The following ATP13A3 variants were observed in gnomAD, a reference collection of about 807,000 sequenced individuals.
The protein encoded by ATP13A3 is polyamine-transporting ATPase 13A3.
Under a neutral mutation model 158.1 loss-of-function variants are expected in ATP13A3, and 59 were observed. The observed-to-expected ratio is 0.37, with a 90% confidence interval of 0.30 to 0.46. The LOEUF (loss-of-function observed/expected upper bound fraction) is 0.46, where lower values mean the gene tolerates loss of function less well. Among genes scored for constraint, ATP13A3 ranks in the 20% least tolerant of loss-of-function variants. The probability of loss-of-function intolerance (pLI) is 1.00; values close to 1 mark genes in which losing one functional copy is unlikely to be tolerated. For synonymous variants in ATP13A3, 491 were observed against 504.3 expected, an observed-to-expected ratio of 0.97 and a Z score of 0.35; for missense variants, 1,166 against 1,525.2, an observed-to-expected ratio of 0.76 and a Z score of 3.92.
Position 194,459,968 on chromosome 3 carries a change from C to A in ATP13A3, c.229G>T (p.Glu77Ter). 6.2e-7 allele frequency: 1 copy of A among 1,611,684 alleles called. No individual in the cohort carries two copies. The highest frequency in any genetic ancestry group is 8.5e-7 in the Non-Finnish European group (1 of 1,178,578). ...CEVVLLRTTDEFKMWFCAKIR... is the reference protein window; with the variant it reads ...CEVVLLRTTD ...TTTGCACAAAACCACATTTTGAATT[C>A]ATCCTTAAAGAGAGAAAGGGATAAC... Residue 77 changes from glutamate (E) to a stop codon, truncating the protein, a stop_gained, in exon 5 of 34, where the codon GAA becomes TAA. Transcript: ENST00000645319. LOFTEE classifies it high-confidence loss of function.
At chr3:194,429,032 G>A (rs964830362) in intron 27 of ATP13A3, 115 bp from the exon 28 acceptor site, 8 of 569,638 alleles carry the variant, frequency 1.4e-5, no homozygotes, top group Admixed American at 3.6e-5. Context: ...AATGACACTC[G>A]GACCTGCTTA....
chr3:194,435,988 C>T (rs181927826), intron 20 of ATP13A3, among the ~76,000 whole-genome samples: 1 of 152,274 alleles, frequency 6.6e-6, no homozygotes, highest in Admixed American at 6.5e-5. Context: ...TGTCTTATCC[C>T]CTAGCACCCT....
In ATP13A3 at chr3:194,448,370, A is replaced by G. The variant is rs1718552709; in HGVS notation, c.1150+87T>C. The G allele has an allele frequency of 6.7e-7, 1 of 1,488,256 alleles. No individual in the cohort carries two copies. 92.2% of individuals were successfully genotyped at this position (1,488,256 alleles called of 1,614,324 possible). A position where few individuals can be genotyped will look rare whatever the true frequency, so the allele number is the denominator to read the frequency against. ...TGGGATTACAGGCGTTAGCCACAGC[A>G]CCCAGCCCAGAATCTCTTTTTAAAC... On this transcript the variant is annotated intron_variant, in intron 12 of 33. Coordinates refer to ENST00000645319, the MANE Select transcript of ATP13A3 (RefSeq NM_001367549.1). The surrounding 1 kb of genome is among the most constrained non-coding windows in gnomAD (Gnocchi z 4.0).
At chr3:194,485,340 C>T (rs2109080921) in intron 2 of ATP13A3, among the ~76,000 whole-genome samples, 2 of 152,264 alleles carry the variant, frequency 1.3e-5, no homozygotes, top group Middle Eastern at 6.8e-3. Flanking sequence ...TGATTTTTGG[C>T]AACTGTAGTC....
chr3:194,455,998 T>C (rs1201257709), intron 7 of ATP13A3, 36 bp from the exon 8 acceptor site: 4 of 1,280,476 alleles, frequency 3.1e-6, no homozygotes, highest in Non-Finnish European at 4.4e-6. Flanking sequence ...TATTACATTA[T>C]ATCATAATAG....
chr3:194,477,554 A>G (rs1020521510), intron 2 of ATP13A3, among the ~76,000 whole-genome samples: 8 of 152,136 alleles, frequency 5.3e-5, no homozygotes, highest in African/African-American at 1.9e-4. Context: ...CCACAGCACT[A>G]TGTTCTTCAG....
intron 5 of ATP13A3, 75 bp from the exon 6 acceptor site, chr3:194,459,616 C>T: frequency 7.9e-7 from 1 of 1,265,134 alleles, no homozygotes; most frequent in Non-Finnish European, 1.1e-6. Context: ...CTTCTATTAA[C>T]AGCTATATAT....
In ATP13A3 at chr3:194,438,885, C is replaced by A; in HGVS notation, c.1798G>T (p.Glu600Ter). The A allele has an allele frequency of 6.2e-7, 1 of 1,606,538 alleles. No individual in the cohort carries two copies. The highest frequency in any genetic ancestry group is 1.1e-5 in the South Asian group (1 of 90,340). ...VVRPPKQLLP[E>*]STPAGNQEME... is the part of the protein sequence containing the mutation. ...TCTTGGTTTCCTGCAGGGGTAGATT[C>A]AGGAAGCAGTTGTTTGGGAGGACGA... is the stretch of plus-strand genomic sequence containing the variant. Residue 600 changes from glutamate (E) to a stop codon, truncating the protein, a stop_gained, in exon 17 of 34, where the codon GAA (glutamate) becomes TAA (stop). Transcript: ENST00000645319. LOFTEE classifies it high-confidence loss of function.
intron 2 of ATP13A3, among the ~76,000 whole-genome samples, chr3:194,473,414 T>C (rs1328345083): frequency 1.3e-5 from 2 of 151,804 alleles, no homozygotes; most frequent in African/African-American, 4.8e-5. Context: ...CAAATGAACC[T>C]ATTACAGAAC....
At chr3:194,408,931 G>A (rs1176839330) in intron 33 of ATP13A3, among the ~76,000 whole-genome samples, 1 of 152,194 alleles carries the variant, frequency 6.6e-6, no homozygotes, top group Non-Finnish European at 1.5e-5. Flanking sequence ...CAAGTACTGT[G>A]TAACACAAAG....
chr3:194,480,148 C>T lies in ATP13A3; in HGVS notation c.-47+5646G>A, dbSNP rs536544160. Among the ~76,000 whole-genome samples the T allele has an allele frequency of 3.9e-4, 60 of 152,288 alleles. No individual in the cohort carries two copies. The Middle Eastern group carries it at 0.01, about 26-fold the overall frequency. On this transcript the variant is annotated intron_variant, in intron 2 of 33. Coordinates refer to ENST00000645319, the MANE Select transcript of ATP13A3 (RefSeq NM_001367549.1). ...TAATAAGTTACCCTTCACTCAGACTCTTATCCTTACAATTCTCTAAGGTAC... is the reference window on the plus strand; with the variant it reads ...TAATAAGTTACCCTTCACTCAGACTTTTATCCTTACAATTCTCTAAGGTAC...
At chr3:194,445,943 T>G (rs1045986006) in intron 14 of ATP13A3, among the ~76,000 whole-genome samples, 1 of 152,156 alleles carries the variant, frequency 6.6e-6, no homozygotes, top group African/African-American at 2.4e-5. Context: ...CTTAAACATA[T>G]TCAATAAAAT....
chr3:194,459,685 A>T, intron 5 of ATP13A3, 104 bp downstream of exon 5: 3 of 1,277,240 alleles, frequency 2.3e-6, no homozygotes, highest in Non-Finnish European at 3.3e-6. Context: ...AGGTAAATTT[A>T]TCTCAAGCAT....
intron 1 of ATP13A3, among the ~76,000 whole-genome samples, chr3:194,486,084 T>C (rs768689416): frequency 6.6e-6 from 1 of 152,106 alleles, no homozygotes; most frequent in Admixed American, 6.5e-5. Context: ...GTTTTTCTAG[T>C]CCTCACTGCC....
chr3:194,481,593 A>T (rs191031776), intron 2 of ATP13A3, among the ~76,000 whole-genome samples: 24 of 152,060 alleles, frequency 1.6e-4, no homozygotes, highest in African/African-American at 5.3e-4. Flanking sequence ...CCAGTCTCAC[A>T]CCTCTTTATT....
chr3:194,430,989 C>A lies in ATP13A3; in HGVS notation c.2578G>T (p.Ala860Ser). ...MLHGTVFARM[A>S]PDQKTQLIEA... ...ATCAACTGTGTCTTCTGATCAGGTGCCATACGGGCAAACACGGTGCCATGC... is the reference window on the plus strand; with the variant it reads ...ATCAACTGTGTCTTCTGATCAGGTGACATACGGGCAAACACGGTGCCATGC... Residue 860 changes from alanine to serine, a missense_variant, in exon 24 of 34, where the codon GCA (alanine) becomes TCA (serine). Around this residue, in one of 3 missense-constraint regions of ATP13A3, gnomAD observed 997 missense variants for 1,341.2 expected, o/e 0.74. Transcript: ENST00000645319. 6.2e-7 allele frequency: 1 copy of A among 1,613,696 alleles called. No individual in the cohort carries two copies. The highest frequency in any genetic ancestry group is 1.7e-5 in the Admixed American group (1 of 59,990).
chr3:194,418,069 T>C, intron 31 of ATP13A3, among the ~76,000 whole-genome samples: 1 of 151,236 alleles, frequency 6.6e-6, no homozygotes, highest in East Asian at 1.9e-4. Context: ...GAAACTGATA[T>C]AAGACAAAGG....
chr3:194,427,640 A>G (rs1301502443), intron 28 of ATP13A3, among the ~76,000 whole-genome samples: 1 of 9,666 alleles, frequency 1.0e-4, no homozygotes, highest in African/African-American at 1.4e-3. Context: ...CTCTACAATA[A>G]ATAAATAAAT....
intron 33 of ATP13A3, among the ~76,000 whole-genome samples, chr3:194,411,875 G>C (rs531627563): frequency 1.3e-5 from 2 of 152,216 alleles, no homozygotes; most frequent in South Asian, 4.1e-4. Flanking sequence ...AAAATTTATA[G>C]TAGATTGAAA....
Sources: allele counts gnomAD v4.1 joint callset (sites outside exome capture counted in the v4.1 genomes callset), GRCh38; gene constraint gnomAD v4.1.1; regional missense constraint gnomAD v4.1.1; non-coding constraint Gnocchi (gnomAD v3.1); transcripts MANE v1.5; gene names NCBI Gene and HGNC (gene_info 2026-07-23, HGNC 2026-07-21).